Variants in ERC2 observed in about 807,000 individuals in gnomAD.
ERC2 encodes the protein ERC protein 2.
ERC2 carries 42 observed loss-of-function variants against 114.8 expected under a neutral mutation model. The ratio of observed to expected loss-of-function variants is 0.37; its 90% CI spans 0.29 to 0.47. The LOEUF is 0.47. Among genes scored for constraint, ERC2 ranks in the 20% least tolerant of loss-of-function variants. ERC2 has a pLI of 0.99. For synonymous variants in ERC2, 454 were observed against 425.5 expected (o/e 1.07, Z -0.82); for missense variants, 939 against 1,150.7 (o/e 0.82, Z 2.66).
intron 1 of ERC2, among the ~76,000 whole-genome samples, chr3:56,463,923 C>A (rs1304984407): frequency 1.3e-5 from 2 of 152,194 alleles, no homozygotes; most frequent in East Asian, 3.9e-4. Context: ...AACATTGTCT[C>A]TTGGAACACA....
chr3:56,372,193 T>A (rs2150591204), intron 2 of ERC2, among the ~76,000 whole-genome samples: 1 of 152,348 alleles, frequency 6.6e-6, no homozygotes, highest in South Asian at 2.1e-4. Flanking sequence ...AGAGCCCTTA[T>A]ATTCTCACAT....
At chr3:56,072,568 A>G (rs775956970) in intron 7 of ERC2, among the ~76,000 whole-genome samples, 21 of 152,216 alleles carry the variant, frequency 1.4e-4, no homozygotes, top group Non-Finnish European at 2.5e-4. Flanking sequence ...TAGGCACTGT[A>G]TTAGTTAAAT....
intron 17 of ERC2, among the ~76,000 whole-genome samples, chr3:55,630,530 G>A (rs995608285): frequency 7.9e-5 from 12 of 152,204 alleles, no homozygotes; most frequent in African/African-American, 2.4e-4. Flanking sequence ...TGACTGTGGG[G>A]AGAAAGGGGA....
intron 3 of ERC2, among the ~76,000 whole-genome samples, chr3:56,177,465 G>A (rs925579417): frequency 3.3e-5 from 5 of 152,194 alleles, no homozygotes; most frequent in African/African-American, 1.2e-4. Context: ...ACATGACAGT[G>A]TTATTAAATC....
At chr3:56,289,372 C>A (rs2150342633) in intron 3 of ERC2, among the ~76,000 whole-genome samples, 1 of 152,272 alleles carries the variant, frequency 6.6e-6, no homozygotes, top group East Asian at 1.9e-4. Flanking sequence ...CATCTAACTT[C>A]TCTCCCTGCT....
At chr3:56,292,680 A>T (rs1296715328) in intron 3 of ERC2, among the ~76,000 whole-genome samples, 1 of 152,092 alleles carries the variant, frequency 6.6e-6, no homozygotes, top group Non-Finnish European at 1.5e-5. Context: ...TTCAAACACT[A>T]GCTTCACCAT....
intron 14 of ERC2, among the ~76,000 whole-genome samples, chr3:55,871,008 G>A (rs897600502): frequency 6.6e-5 from 10 of 152,158 alleles, no homozygotes; most frequent in Admixed American, 1.3e-4. Flanking sequence ...AAACAGATTT[G>A]AAAGTCAATT....
intron 15 of ERC2, among the ~76,000 whole-genome samples, chr3:55,724,596 A>T (rs1392943202): frequency 1.3e-4 from 20 of 152,222 alleles, no homozygotes. Flanking sequence ...GGATTAAATG[A>T]GATAATATAT....
intron 12 of ERC2, among the ~76,000 whole-genome samples, chr3:55,971,085 A>G (rs1012048535): frequency 1.3e-5 from 2 of 152,180 alleles, no homozygotes; most frequent in African/African-American, 2.4e-5. Context: ...AGTCAGTCAC[A>G]CAAAAACACA....
chr3:56,159,739 T>C lies in ERC2; in HGVS notation c.1150-10607A>G, dbSNP rs190732288. Among the ~76,000 whole-genome samples, 13 of 152,332 alleles carry C rather than the reference T, an allele frequency of 8.5e-5. No individual in the cohort carries two copies. The East Asian group carries it at 1.3e-3, about 16-fold the overall frequency. On this transcript the variant is annotated intron_variant, in intron 4 of 17. Coordinates refer to ENST00000288221, the MANE Select transcript of ERC2 (RefSeq NM_015576.3). ...GTACTTGATGTTTAACTCCCACTTATAAGTGAGAACGTGCAGTATTTGGTT... is the reference window on the plus strand; with the variant it reads ...GTACTTGATGTTTAACTCCCACTTACAAGTGAGAACGTGCAGTATTTGGTT...
intron 7 of ERC2, among the ~76,000 whole-genome samples, chr3:56,047,064 T>G (rs1194475730): frequency 6.6e-6 from 1 of 152,198 alleles, no homozygotes; most frequent in Admixed American, 6.5e-5. Context: ...CCAATTAAAT[T>G]CAGGGTCCCT....
At chr3:55,633,963 A>G (rs1289444645) in intron 17 of ERC2, among the ~76,000 whole-genome samples, 1 of 152,126 alleles carries the variant, frequency 6.6e-6, no homozygotes, top group African/African-American at 2.4e-5. Context: ...CATGGCCTCT[A>G]TAGAGACTTC....
intron 17 of ERC2, among the ~76,000 whole-genome samples, chr3:55,635,047 A>G (rs1323546913): frequency 6.6e-6 from 1 of 151,968 alleles, no homozygotes; most frequent in African/African-American, 2.4e-5. Context: ...ACACCCAGCT[A>G]ATTTTTTATT....
chr3:55,858,206 TTTGAACTAA>T (rs1376564644), intron 14 of ERC2, among the ~76,000 whole-genome samples: 2 of 152,210 alleles, frequency 1.3e-5, no homozygotes, highest in Non-Finnish European at 2.9e-5. Flanking sequence ...ATTTTATTAG[TTTGAACTAA>T]TATGAGTTGG....
intron 14 of ERC2, among the ~76,000 whole-genome samples, chr3:55,845,221 T>C (rs1229234937): frequency 6.6e-6 from 1 of 151,886 alleles, no homozygotes; most frequent in Admixed American, 6.6e-5. Flanking sequence ...TAGGCAAAAA[T>C]GGGCCAGGCG....
chr3:55,936,407 A>G (rs1038212435), intron 13 of ERC2, among the ~76,000 whole-genome samples: 1 of 152,238 alleles, frequency 6.6e-6, no homozygotes, highest in Non-Finnish European at 1.5e-5. Flanking sequence ...CAAAGTGCCT[A>G]TGTGCTCATG....
At chr3:55,870,748 T>C (rs2062545825) in intron 14 of ERC2, among the ~76,000 whole-genome samples, 2 of 152,182 alleles carry the variant, frequency 1.3e-5, no homozygotes, top group Non-Finnish European at 1.5e-5. Flanking sequence ...ACGGATGAGA[T>C]TACAGAGCAG....
At chr3:55,892,676 C>T (rs2063667892) in intron 13 of ERC2, among the ~76,000 whole-genome samples, 1 of 152,008 alleles carries the variant, frequency 6.6e-6, no homozygotes, top group Non-Finnish European at 1.5e-5. Flanking sequence ...ACATTATAAA[C>T]ATTGTTATAA....
chr3:55,963,489 C>T (rs1218457458), intron 12 of ERC2, among the ~76,000 whole-genome samples: 2 of 152,136 alleles, frequency 1.3e-5, no homozygotes, highest in Admixed American at 6.5e-5. Flanking sequence ...GGTCTGAGGA[C>T]AGAGCTTCAG....
Sources: allele counts gnomAD v4.1 joint callset (sites outside exome capture counted in the v4.1 genomes callset), GRCh38; gene constraint gnomAD v4.1.1; transcripts MANE v1.5; gene names NCBI Gene and HGNC (gene_info 2026-07-23, HGNC 2026-07-21).